Variants in TUSC3 observed in about 807,000 individuals in gnomAD.
TUSC3 encodes the protein tumor suppressor candidate 3, also known as dolichyl-diphosphooligosaccharide--protein glycosyltransferase subunit TUSC3.
Under a neutral mutation model 44.8 loss-of-function variants are expected in TUSC3, and 45 were observed. The ratio of observed to expected loss-of-function variants is 1.00; its 90% CI spans 0.79 to 1.29. The LOEUF (loss-of-function observed/expected upper bound fraction) is 1.29. Among genes scored for constraint, TUSC3 ranks in the 50% most tolerant of loss-of-function variants. The pLI is 0.00. For synonymous variants in TUSC3, 212 were observed against 152.9 expected, an observed-to-expected ratio of 1.39 and a Z score of -2.85; for missense variants, 519 against 437.9, an observed-to-expected ratio of 1.19 and a Z score of -1.65.
At chr8:15,651,892 C>T (rs1444473014) in intron 3 of TUSC3, among the ~76,000 whole-genome samples, 1 of 152,126 alleles carries the variant, frequency 6.6e-6, no homozygotes, top group Non-Finnish European at 1.5e-5. Flanking sequence ...AGCTTATGTC[C>T]AGGCACTGTT....
At chr8:15,802,422 A>G in the TUSC3 span, among the ~76,000 whole-genome samples, 1 of 152,222 alleles carries the variant, frequency 6.6e-6, no homozygotes, top group South Asian at 2.1e-4. Context: ...AATAATTGCA[A>G]AATTTCTTTT....
At chr8:15,543,932 G>A (rs1801777524) in intron 1 of TUSC3, among the ~76,000 whole-genome samples, 1 of 151,298 alleles carries the variant, frequency 6.6e-6, no homozygotes, top group East Asian at 1.9e-4. Context: ...GTGTGTGTGT[G>A]TGTATGTATT....
chr8:15,531,616 T>C (rs1801451013), intron 2 of TUSC3, among the ~76,000 whole-genome samples: 1 of 152,236 alleles, frequency 6.6e-6, no homozygotes, highest in Non-Finnish European at 1.5e-5. Flanking sequence ...TTCTGCCTTA[T>C]GCCCCTCAGT....
chr8:15,761,054 C>A (rs535081485), intron 10 of TUSC3, among the ~76,000 whole-genome samples: 1 of 152,260 alleles, frequency 6.6e-6, no homozygotes, highest in East Asian at 1.9e-4. Context: ...CAACATGCTT[C>A]TATGCACAGA....
At chr8:15,522,677 A>T (rs1446269816) in intron 2 of TUSC3, among the ~76,000 whole-genome samples, 1 of 152,048 alleles carries the variant, frequency 6.6e-6, no homozygotes, top group Non-Finnish European at 1.5e-5. Flanking sequence ...ATCTCTACAG[A>T]AATCCAATCC....
At chr8:15,630,536 C>G (rs1585171937) in intron 2 of TUSC3, among the ~76,000 whole-genome samples, 1 of 151,942 alleles carries the variant, frequency 6.6e-6, no homozygotes, top group Admixed American at 6.6e-5. Context: ...AATATTAAAG[C>G]TGAGAGGTTA....
chr8:15,683,692 G>A (rs1808512984), intron 6 of TUSC3, among the ~76,000 whole-genome samples: 1 of 152,052 alleles, frequency 6.6e-6, no homozygotes, highest in African/African-American at 2.4e-5. Flanking sequence ...CAATCCTTTG[G>A]ATATTACAAA....
At chr8:15,562,554 C>A (rs1301761571) in intron 1 of TUSC3, among the ~76,000 whole-genome samples, 1 of 152,152 alleles carries the variant, frequency 6.6e-6, no homozygotes, top group African/African-American at 2.4e-5. Flanking sequence ...TAGCTGGATT[C>A]TGTCTCTGTT....
chr8:15,438,796 A>C (rs766669711), intron 1 of TUSC3, among the ~76,000 whole-genome samples: 3 of 152,174 alleles, frequency 2.0e-5, no homozygotes, highest in Non-Finnish European at 4.4e-5. Flanking sequence ...CAATCCTAGG[A>C]GCTAGGCAGA....
chr8:15,590,459 C>T (rs1160807599), intron 1 of TUSC3, among the ~76,000 whole-genome samples: 1 of 152,052 alleles, frequency 6.6e-6, no homozygotes, highest in East Asian at 1.9e-4. Flanking sequence ...TTTCTTCTCT[C>T]TCCCAGCATC....
chr8:15,745,130 T>A (rs147252137), intron 8 of TUSC3, among the ~76,000 whole-genome samples: 132 of 152,254 alleles, frequency 8.7e-4, no homozygotes, highest in African/African-American at 3.1e-3. Flanking sequence ...TTTGTTCTTT[T>A]TGGCTGCATA....
At chr8:15,649,320 C>G (rs566793134) in intron 2 of TUSC3, among the ~76,000 whole-genome samples, 3 of 151,914 alleles carry the variant, frequency 2.0e-5, no homozygotes, top group South Asian at 4.2e-4. Context: ...CGCGGTGGCT[C>G]ACGCCTGTAA....
chr8:15,659,778 G>C, intron 4 of TUSC3, 131 bp downstream of exon 4: 5 of 1,164,732 alleles, frequency 4.3e-6, no homozygotes, highest in Non-Finnish European at 6.2e-6. Context: ...AAAACTGTTC[G>C]ATTACTGCAA....
chr8:15,652,096 C>T (rs62502091), intron 3 of TUSC3, among the ~76,000 whole-genome samples: 29,987 of 152,158 alleles, frequency 0.2, 3,803 homozygotes, highest in Non-Finnish European at 0.29. Flanking sequence ...TGTTACCCTG[C>T]AGTTCATTAT....
intron 2 of TUSC3, among the ~76,000 whole-genome samples, chr8:15,520,035 C>T (rs1372230981): frequency 1.3e-5 from 2 of 152,106 alleles, no homozygotes; most frequent in Non-Finnish European, 1.5e-5. Context: ...CCTTGGAGCC[C>T]CCAGTGTGTA....
the TUSC3 span, among the ~76,000 whole-genome samples, chr8:15,844,715 A>C: frequency 6.6e-6 from 1 of 152,286 alleles, no homozygotes. Context: ...CTCTGTATTG[A>C]GATTAGCATG....
At chr8:15,583,853 A>G (rs1045526570) in intron 1 of TUSC3, among the ~76,000 whole-genome samples, 11 of 152,184 alleles carry the variant, frequency 7.2e-5, no homozygotes, top group African/African-American at 2.7e-4. Context: ...ACAAACCCTT[A>G]TTTTATTAGA....
intron 1 of TUSC3, among the ~76,000 whole-genome samples, chr8:15,547,494 T>A (rs1017704902): frequency 4.0e-5 from 6 of 151,570 alleles, no homozygotes; most frequent in Non-Finnish European, 8.8e-5. Context: ...TTTAATGAAC[T>A]TGGTGGTCGA....
the TUSC3 span, among the ~76,000 whole-genome samples, chr8:15,852,066 A>G: frequency 2.3e-4 from 35 of 152,144 alleles, no homozygotes; most frequent in Non-Finnish European, 4.0e-4. Context: ...CTGTGAGTCC[A>G]TTAAACCTCT....
Sources: gnomAD v4.1 joint callset for allele counts (sites outside exome capture counted in the v4.1 genomes callset) on GRCh38, gnomAD v4.1.1 for gene constraint, MANE v1.5 for transcripts, NCBI Gene and HGNC (gene_info 2026-07-23, HGNC 2026-07-21) for gene names.